The following LOC400499 variants were observed in gnomAD, a reference collection of about 807,000 sequenced individuals.
At chr16:11,497,511 G>A in the LOC400499 span, among the ~76,000 whole-genome samples, 1 of 152,232 alleles carries the variant, frequency 6.6e-6, no homozygotes, top group Non-Finnish European at 1.5e-5. Flanking sequence ...AAGGCGGCGG[G>A]GGCACAGACA....
the LOC400499 span, among the ~76,000 whole-genome samples, chr16:11,503,452 G>T: frequency 6.6e-6 from 1 of 152,166 alleles, no homozygotes; most frequent in Non-Finnish European, 1.5e-5. Flanking sequence ...CAGCAACAAG[G>T]TAGGAGCCGA....
At chr16:11,414,449 G>A in the LOC400499 span, 68 of 400,358 alleles carry the variant, frequency 1.7e-4, no homozygotes, top group Non-Finnish European at 2.6e-4. Flanking sequence ...AGGGCTGCCA[G>A]GTCCATGCTG....
the LOC400499 span, among the ~76,000 whole-genome samples, chr16:11,463,450 G>T: frequency 7.0e-6 from 1 of 142,192 alleles, no homozygotes; most frequent in Non-Finnish European, 1.6e-5. Context: ...GTGTATACAG[G>T]GGTGTGTGTA....
At chr16:11,446,305 A>G in the LOC400499 span, among the ~76,000 whole-genome samples, 10 of 147,854 alleles carry the variant, frequency 6.8e-5, no homozygotes, top group African/African-American at 2.3e-4. Flanking sequence ...ACATGCCACC[A>G]TGCCTGGCTA....
At chr16:11,387,028 T>C in the LOC400499 span, 211 of 1,090,460 alleles carry the variant, frequency 1.9e-4, no homozygotes, top group African/African-American at 3.2e-3. Context: ...ACTGTGATGC[T>C]ACTAGCCTAT....
At chr16:11,495,116 C>A in the LOC400499 span, among the ~76,000 whole-genome samples, 6,211 of 151,442 alleles carry the variant, frequency 0.041, 134 homozygotes, top group Non-Finnish European at 0.047. Context: ...GGCTAAGGCA[C>A]AAGAATCCCT....
chr16:11,504,099 T>G, the LOC400499 span, among the ~76,000 whole-genome samples: 1 of 152,192 alleles, frequency 6.6e-6, no homozygotes, highest in African/African-American at 2.4e-5. Context: ...CCACAAGTGT[T>G]ACCCTGAGAA....
At chr16:11,388,308 A>G in the LOC400499 span, among the ~76,000 whole-genome samples, 1 of 152,148 alleles carries the variant, frequency 6.6e-6, no homozygotes, top group Non-Finnish European at 1.5e-5. Context: ...TCTTCCCTTC[A>G]TCAGCCTCCA....
chr16:11,505,532 T>C, the LOC400499 span, among the ~76,000 whole-genome samples: 6 of 142,178 alleles, frequency 4.2e-5, no homozygotes, highest in East Asian at 2.2e-4. Context: ...CAGCTCACTG[T>C]AGCCTTAACC....
the LOC400499 span, among the ~76,000 whole-genome samples, chr16:11,458,150 G>A: frequency 4.9e-4 from 75 of 152,344 alleles, no homozygotes; most frequent in Middle Eastern, 3.4e-3. Flanking sequence ...TTTAAGACCA[G>A]CCTGGCCAAC....
the LOC400499 span, chr16:11,439,581 C>G: frequency 1.0e-5 from 4 of 398,978 alleles, no homozygotes; most frequent in Non-Finnish European, 1.3e-5. Flanking sequence ...TGGACCGAGG[C>G]CTGTTGCAGG....
chr16:11,372,182 G>A, the LOC400499 span: 1 of 152,214 alleles, frequency 6.6e-6, no homozygotes, highest in Non-Finnish European at 1.5e-5. Context: ...CAGTCCCAGT[G>A]TGTCTACCCC....
chr16:11,492,145 C>A, the LOC400499 span, among the ~76,000 whole-genome samples: 11 of 152,168 alleles, frequency 7.2e-5, no homozygotes, highest in Non-Finnish European at 1.6e-4. Flanking sequence ...CATAGTGTCT[C>A]GCCACACAGG....
At chr16:11,454,934 G>A in the LOC400499 span, among the ~76,000 whole-genome samples, 4 of 152,068 alleles carry the variant, frequency 2.6e-5, no homozygotes, top group East Asian at 1.9e-4. Flanking sequence ...GCAACTGGTC[G>A]TCTTTGGAGC....
chr16:11,494,271 G>C, the LOC400499 span, among the ~76,000 whole-genome samples: 1 of 150,864 alleles, frequency 6.6e-6, no homozygotes, highest in African/African-American at 2.4e-5. Flanking sequence ...CAGACCCCGC[G>C]GGCCAGCCTG....
chr16:11,469,792 A>T, the LOC400499 span: 8 of 397,246 alleles, frequency 2.0e-5, 1 homozygote, highest in Non-Finnish European at 3.5e-5. Context: ...CAGAATTGTA[A>T]AGCTCTGCAG....
chr16:11,459,159 T>C, the LOC400499 span, among the ~76,000 whole-genome samples: 1 of 150,922 alleles, frequency 6.6e-6, no homozygotes, highest in East Asian at 1.9e-4. Flanking sequence ...CAGGACTGGA[T>C]GTGAAAAGGG....
the LOC400499 span, among the ~76,000 whole-genome samples, chr16:11,523,802 A>G: frequency 0.45 from 67,957 of 151,446 alleles, 15,661 homozygotes; most frequent in East Asian, 0.55. Context: ...ATCAACAAAT[A>G]CAGGTCTCCA....
At chr16:11,483,705 C>CT in the LOC400499 span, among the ~76,000 whole-genome samples, 1 of 112,004 alleles carries the variant, frequency 8.9e-6, no homozygotes, top group African/African-American at 4.1e-5. Context: ...GTCTGTACAA[C>CT]TTTTAAAAAA....
Sources: gnomAD v4.1 joint callset for allele counts (sites outside exome capture counted in the v4.1 genomes callset) on GRCh38, gnomAD v4.1.1 for gene constraint, MANE v1.5 for transcripts.